Variants in FHIT observed in about 807,000 individuals in gnomAD.
FHIT encodes the protein bis(5'-adenosyl)-triphosphatase.
Under a neutral mutation model 17.9 loss-of-function variants are expected in FHIT, and 19 were observed. That is an observed-to-expected ratio of 1.06 (90% CI 0.74 to 1.56). The LOEUF (loss-of-function observed/expected upper bound fraction) is 1.56, where lower values mean the gene tolerates loss of function less well. FHIT is among the 40% of genes most tolerant of loss of function. FHIT has a pLI of 0.00. For missense variants in FHIT, 248 were observed against 189.2 expected (o/e 1.31, Z -1.82); for synonymous variants, 81 against 69.7 (o/e 1.16, Z -0.81).
At chr3:60,241,812 A>T (rs976568131) in intron 5 of FHIT, among the ~76,000 whole-genome samples, 9 of 152,126 alleles carry the variant, frequency 5.9e-5, no homozygotes, top group African/African-American at 2.2e-4. Flanking sequence ...AGACAAAGGG[A>T]CTGCTATAAA....
Position 60,202,573 on chromosome 3 carries a change from A to G in FHIT, c.104-188421T>C, listed in dbSNP as rs9826315. ...TTGCCTGATTGTGGATGTGTAACTA[A>G]TTCTGGAAAAGGATGCTATAAAGTT... is the stretch of plus-strand genomic sequence containing the variant. On this transcript the variant is annotated intron_variant, in intron 5 of 9. Coordinates refer to ENST00000492590, the MANE Select transcript of FHIT (RefSeq NM_002012.4). 6.1e-3 allele frequency among the ~76,000 whole-genome samples: 923 copies of G among 152,306 alleles called. 7 individuals are homozygous for G. The highest frequency in any genetic ancestry group is 0.034 in the Middle Eastern group (10 of 294).
intron 7 of FHIT, among the ~76,000 whole-genome samples, chr3:59,947,653 G>A (rs1012057339): frequency 7.2e-5 from 11 of 152,076 alleles, no homozygotes; most frequent in Admixed American, 6.6e-5. Flanking sequence ...ACCCTGGGGG[G>A]GCTGGTACCA....
chr3:60,511,830 C>T (rs1056117254), intron 5 of FHIT, among the ~76,000 whole-genome samples: 1 of 152,082 alleles, frequency 6.6e-6, no homozygotes, highest in Non-Finnish European at 1.5e-5. Flanking sequence ...ATAGGGTTAT[C>T]TCAAAAGGGC....
At chr3:60,340,813 T>C (rs1482644766) in intron 5 of FHIT, among the ~76,000 whole-genome samples, 1 of 152,108 alleles carries the variant, frequency 6.6e-6, no homozygotes, top group Non-Finnish European at 1.5e-5. Flanking sequence ...GTTCAAGTGA[T>C]TCTCTTGCCT....
intron 8 of FHIT, among the ~76,000 whole-genome samples, chr3:59,860,728 G>A (rs1317502014): frequency 6.6e-6 from 1 of 152,128 alleles, no homozygotes; most frequent in Non-Finnish European, 1.5e-5. Flanking sequence ...CTAATACAGG[G>A]TAGAACAGAA....
At chr3:61,217,804 A>T (rs1032246076) in intron 1 of FHIT, among the ~76,000 whole-genome samples, 1 of 152,240 alleles carries the variant, frequency 6.6e-6, no homozygotes, top group African/African-American at 2.4e-5. Context: ...ATGAATATCA[A>T]ACAATAGATA....
intron 8 of FHIT, among the ~76,000 whole-genome samples, chr3:59,849,641 T>TCC (rs568882840): frequency 4.3e-4 from 66 of 152,276 alleles, no homozygotes; most frequent in Middle Eastern, 3.4e-3. Context: ...TGAGGGACTG[T>TCC]ATGGAAGAGA....
At chr3:60,345,057 C>T (rs1160060905) in intron 5 of FHIT, among the ~76,000 whole-genome samples, 2 of 152,148 alleles carry the variant, frequency 1.3e-5, no homozygotes, top group South Asian at 4.1e-4. Context: ...AAATCATATG[C>T]TTTATTTAAG....
At chr3:60,472,712 G>T (rs2033150517) in intron 5 of FHIT, among the ~76,000 whole-genome samples, 1 of 152,036 alleles carries the variant, frequency 6.6e-6, no homozygotes, top group Admixed American at 6.6e-5. Flanking sequence ...AACTTTACAT[G>T]CTTTGGTTTC....
intron 4 of FHIT, among the ~76,000 whole-genome samples, chr3:60,630,773 G>C (rs1186821565): frequency 6.6e-6 from 1 of 151,982 alleles, no homozygotes; most frequent in Non-Finnish European, 1.5e-5. Flanking sequence ...CCCACTCCTT[G>C]TCCTATCTTG....
chr3:61,109,466 T>C (rs1443374359), intron 2 of FHIT, among the ~76,000 whole-genome samples: 1 of 152,126 alleles, frequency 6.6e-6, no homozygotes, highest in Non-Finnish European at 1.5e-5. Flanking sequence ...GGGAGAGTGC[T>C]AAGTAAATAT....
intron 5 of FHIT, among the ~76,000 whole-genome samples, chr3:60,181,558 T>C (rs1701937436): frequency 6.7e-6 from 1 of 148,420 alleles, no homozygotes; most frequent in African/African-American, 2.4e-5. Flanking sequence ...TGGTCTAATG[T>C]CAGAAGCACC....
Position 59,894,106 on chromosome 3 carries a change from T to C in FHIT, c.348+28240A>G, listed in dbSNP as rs1013379146. The stretch of plus-strand genomic sequence containing the variant: ...TGCCTCTACAAAAAATAGCCTGGTG[T>C]GGTGGTGCACGCCTGTAGTCCTAAT... On this transcript the variant is annotated intron_variant, in intron 8 of 9. Coordinates refer to ENST00000492590, the MANE Select transcript of FHIT (RefSeq NM_002012.4). Among the ~76,000 whole-genome samples, 192 of 152,072 alleles carry C rather than the reference T, an allele frequency of 1.3e-3. 1 individual carries two copies. The highest frequency in any genetic ancestry group is 2.5e-4 in the Non-Finnish European group (17 of 68,020).
At chr3:59,774,108 C>T (rs1245200010) in intron 8 of FHIT, among the ~76,000 whole-genome samples, 1 of 152,112 alleles carries the variant, frequency 6.6e-6, no homozygotes, top group Non-Finnish European at 1.5e-5. Flanking sequence ...TGCCCTACAG[C>T]GTGAGATGCG....
intron 4 of FHIT, among the ~76,000 whole-genome samples, chr3:60,661,396 C>T (rs921759490): frequency 6.6e-5 from 10 of 152,022 alleles, no homozygotes; most frequent in African/African-American, 1.4e-4. Context: ...TTCTTTTTTA[C>T]GGCTGAATAG....
At chr3:61,049,619 T>C (rs778003925) in intron 2 of FHIT, among the ~76,000 whole-genome samples, 1 of 152,156 alleles carries the variant, frequency 6.6e-6, no homozygotes, top group Non-Finnish European at 1.5e-5. Context: ...AGGACATACA[T>C]AGCACCATCT....
intron 5 of FHIT, among the ~76,000 whole-genome samples, chr3:60,505,245 T>G (rs1434272392): frequency 6.6e-6 from 1 of 152,202 alleles, no homozygotes; most frequent in Admixed American, 6.5e-5. Flanking sequence ...CTGCTATGGC[T>G]AAGTAGTTAA....
At chr3:60,574,549 G>C (rs1206824770) in intron 4 of FHIT, among the ~76,000 whole-genome samples, 1 of 151,934 alleles carries the variant, frequency 6.6e-6, no homozygotes. Flanking sequence ...GAGCACTCAC[G>C]CATTCTATAG....
chr3:60,345,855 A>ATC (rs111416930), intron 5 of FHIT, among the ~76,000 whole-genome samples: 1 of 152,046 alleles, frequency 6.6e-6, no homozygotes, highest in Non-Finnish European at 1.5e-5. Context: ...CACAGTTACT[A>ATC]ACATATTTGT....
Sources: gnomAD v4.1 joint callset for allele counts (sites outside exome capture counted in the v4.1 genomes callset) on GRCh38, gnomAD v4.1.1 for gene constraint, MANE v1.5 for transcripts, NCBI Gene and HGNC (gene_info 2026-07-23, HGNC 2026-07-21) for gene names.